Variants in SPATA24 observed in about 807,000 individuals in gnomAD.
SPATA24 encodes spermatogenesis-associated protein 24.
In SPATA24, 21 loss-of-function variants were observed where a neutral mutation model predicts 28.9. The observed-to-expected ratio is 0.73, with a 90% CI of 0.52 to 1.05. The LOEUF (loss-of-function observed/expected upper bound fraction) is 1.05. Among genes scored for constraint, SPATA24 ranks in the 50% least tolerant of loss-of-function variants. The pLI, the probability that SPATA24 is intolerant of heterozygous loss-of-function variation, is 0.00. For missense variants in SPATA24, 215 were observed against 242.9 expected (o/e 0.88, Z 0.76); for synonymous variants, 76 against 89.9 (o/e 0.85, Z 0.88).
At position 139,397,279 on chromosome 5, in the gene SPATA24, T is replaced by C. The variant is rs1758731662; in HGVS notation, c.386-136A>G. 4 of 640,246 alleles carry C rather than the reference T, an allele frequency of 6.2e-6. 1 individual carries two copies. The highest frequency in any genetic ancestry group is 8.3e-6 in the Non-Finnish European group (3 of 361,684). The allele number at this position is 640,246 out of a possible 1,614,324, so 39.7% of individuals were successfully genotyped here. On this transcript the variant is annotated intron_variant, in intron 4 of 5. Transcript: ENST00000450845. ...TCTCCATGAAGAACTGCTAATACCT[T>C]AGTATGAATGAGTTTATTATGCAGT... is the stretch of plus-strand genomic sequence containing the variant.
Position 139,396,778 on chromosome 5 carries a change from G to T in SPATA24, c.*22C>A. The T allele has an allele frequency of 6.4e-7, 1 of 1,551,698 alleles. No homozygotes were observed. The highest frequency in any genetic ancestry group is 1.2e-5 in the South Asian group (1 of 84,028). On this transcript the variant is annotated 3_prime_UTR_variant, in exon 6 of 6. Transcript: ENST00000450845. ...GCAGAGGCTGGGGATTACAGCCAGAGAACAGGAAAGCGGCGGCCATTTTAT... is the reference window on the plus strand; with the variant it reads ...GCAGAGGCTGGGGATTACAGCCAGATAACAGGAAAGCGGCGGCCATTTTAT...
chr5:139,403,082 A>C (rs1004121581), intron 1 of SPATA24, among the ~76,000 whole-genome samples: 2 of 152,234 alleles, frequency 1.3e-5, no homozygotes, highest in Non-Finnish European at 2.9e-5. Flanking sequence ...GATAGAGAGA[A>C]AAGCACTCTG....
intron 1 of SPATA24, among the ~76,000 whole-genome samples, chr5:139,403,542 T>A (rs1425510753): frequency 1.3e-5 from 2 of 152,206 alleles, no homozygotes; most frequent in African/African-American, 4.8e-5. Context: ...GGGCCAAATC[T>A]GCGCTTACTG....
At chr5:139,394,825 G>A (rs771011542), downstream of SPATA24, 46 of 1,530,458 alleles carry the variant, frequency 3.0e-5, no homozygotes, top group Non-Finnish European at 3.8e-5. Context: ...CGGGAAACCC[G>A]AGCCGGGCCC....
downstream of SPATA24, chr5:139,393,376 T>A (rs1009535627): frequency 1.0e-5 from 16 of 1,551,454 alleles, no homozygotes; most frequent in Non-Finnish European, 1.3e-5. Flanking sequence ...ATCTGAAATT[T>A]CCCGCGTGGA....
intron 4 of SPATA24, chr5:139,401,348 CCT>C (rs559763795): frequency 2.4e-4 from 129 of 530,202 alleles, no homozygotes; most frequent in African/African-American, 2.1e-3. Flanking sequence ...ATCCTAGCCC[CCT>C]GTCACCACAT....
At chr5:139,401,704 GAA>G (rs1472864327) in intron 4 of SPATA24, 49 bp downstream of exon 4, 2 of 1,532,022 alleles carry the variant, frequency 1.3e-6, no homozygotes, top group Non-Finnish European at 1.8e-6. Flanking sequence ...GGGTGGTTAG[GAA>G]AGAGCCCGTT....
chr5:139,401,629 G>C, intron 4 of SPATA24, 126 bp downstream of exon 4: 1 of 1,080,338 alleles, frequency 9.3e-7, no homozygotes, highest in South Asian at 1.3e-5. Context: ...GGCCCACCCG[G>C]GCCTGCCTGT....
chr5:139,392,901 G>A, downstream of SPATA24: 1 of 1,541,958 alleles, frequency 6.5e-7, no homozygotes, highest in Non-Finnish European at 8.8e-7. The surrounding 1 kb of genome is among the most constrained non-coding windows in gnomAD (Gnocchi z 5.8). Flanking sequence ...TGCGCTTGAA[G>A]GGCTTCGCCG....
At chr5:139,403,375 C>T (rs1408820813) in intron 1 of SPATA24, among the ~76,000 whole-genome samples, 1 of 152,194 alleles carries the variant, frequency 6.6e-6, no homozygotes, top group African/African-American at 2.4e-5. Context: ...GAAAACAAAA[C>T]CAGAAAAACC....
At chr5:139,394,710 G>C, downstream of SPATA24, 1 of 1,532,914 alleles carries the variant, frequency 6.5e-7, no homozygotes. Flanking sequence ...CGTCTGCGCC[G>C]GAGCAGCCGA....
Position 139,400,230 on chromosome 5 carries a change from C to T in SPATA24, c.385+1525G>A, listed in dbSNP as rs114209515. Among the ~76,000 whole-genome samples, 492 of 151,782 alleles carry T rather than the reference C, an allele frequency of 3.2e-3. 4 individuals are homozygous for T. Among genetic ancestry groups the T allele is most frequent in the African/African-American group, 0.011 (461 of 41,440 alleles). ...ATCAGTAAGGACCTTGAACCTCTTG[C>T]GCTTGGGCTCTGGCCTACTGGAGAT... On this transcript the variant is annotated intron_variant, in intron 4 of 5. Transcript: ENST00000450845.
At chr5:139,394,889 C>T (rs1490664208), downstream of SPATA24, 6 of 1,511,348 alleles carry the variant, frequency 4.0e-6, no homozygotes, top group East Asian at 2.6e-5. Context: ...TGCGCGCCCG[C>T]CCCCCGCCCA....
At chr5:139,401,014 G>A (rs966235349) in intron 4 of SPATA24, among the ~76,000 whole-genome samples, 9 of 152,114 alleles carry the variant, frequency 5.9e-5, no homozygotes, top group Admixed American at 2.0e-4. Flanking sequence ...AAAATTAGCC[G>A]GGCATGGTGG....
downstream of SPATA24, chr5:139,396,451 A>T (rs1016729029): frequency 8.8e-7 from 1 of 1,131,674 alleles, no homozygotes; most frequent in African/African-American, 1.6e-5. Flanking sequence ...TGACTTCCCA[A>T]ATTCCTTGTG....
rs939795210 is a variant in SPATA24, at chr5:139,404,033, C to A, written c.28G>T (p.Ala10Ser). 3.2e-6 allele frequency: 5 copies of A among 1,551,780 alleles called. No homozygotes were observed. The Admixed American group carries it at 5.9e-5, about 18-fold the overall frequency. The part of the protein sequence containing the change: MATPLGWSK[A>S]GSGSVCLALD... ...GCGAGACACACAGATCCTGACCCCG[C>A]CTTCGACCACCCGAGGGGCGTCGCC... Residue 10 changes from alanine to serine, a missense_variant, in exon 1 of 6, where the codon GCG (alanine) becomes TCG (serine). Coordinates refer to ENST00000450845, the MANE Select transcript of SPATA24 (RefSeq NM_194296.2).
chr5:139,400,550 C>T (rs754165777), intron 4 of SPATA24, among the ~76,000 whole-genome samples: 4 of 151,910 alleles, frequency 2.6e-5, no homozygotes, highest in Non-Finnish European at 4.4e-5. Flanking sequence ...TCATGTGATC[C>T]GCTTGCCTTG....
chr5:139,400,482 A>AT (rs1561992817), intron 4 of SPATA24, among the ~76,000 whole-genome samples: 2 of 151,586 alleles, frequency 1.3e-5, no homozygotes, highest in Admixed American at 6.6e-5. Flanking sequence ...AATTTTTGGT[A>AT]TTTTTAGTAG....
intron 4 of SPATA24, among the ~76,000 whole-genome samples, chr5:139,399,323 A>G (rs1236171737): frequency 6.6e-6 from 1 of 152,100 alleles, no homozygotes; most frequent in East Asian, 1.9e-4. Flanking sequence ...TCTCAAAAAA[A>G]AAAAAAAAAA....
Sources: gnomAD v4.1 joint callset for allele counts (sites outside exome capture counted in the v4.1 genomes callset) on GRCh38, gnomAD v4.1.1 for gene constraint, Gnocchi (gnomAD v3.1) non-coding constraint, MANE v1.5 for transcripts, NCBI Gene and HGNC (gene_info 2026-07-23, HGNC 2026-07-21) for gene names.